The following TANC1 variants were observed in gnomAD, a reference collection of about 807,000 sequenced individuals.
TANC1 encodes the protein tetratricopeptide repeat, ankyrin repeat and coiled-coil containing 1.
In TANC1, 77 loss-of-function variants were observed where a neutral mutation model predicts 149.7. The ratio of observed to expected loss-of-function variants is 0.51; its 90% CI spans 0.43 to 0.62. TANC1 has a LOEUF of 0.62. Ranked by LOEUF, TANC1 falls within the 20% of genes least tolerant of loss-of-function variation. TANC1 has a pLI of 0.00. For missense variants in TANC1, 1,985 were observed against 2,321.8 expected, an observed-to-expected ratio of 0.85 and a Z score of 2.98; for synonymous variants, 854 against 925.0, an observed-to-expected ratio of 0.92 and a Z score of 1.39.
chr2:159,204,525 G>A (rs1251906413), intron 19 of TANC1, among the ~76,000 whole-genome samples: 2 of 152,176 alleles, frequency 1.3e-5, no homozygotes, highest in Admixed American at 1.3e-4. Flanking sequence ...TGGGTGTGCT[G>A]TGTCCTCATG....
chr2:158,969,395 C>T (rs954886348), intron 1 of TANC1, among the ~76,000 whole-genome samples: 3 of 152,354 alleles, frequency 2.0e-5, no homozygotes, highest in Non-Finnish European at 2.9e-5. Flanking sequence ...ATTAGCATAT[C>T]CACACTCCTT....
intron 20 of TANC1, 110 bp from the exon 21 acceptor site, chr2:159,219,128 T>G: frequency 7.0e-7 from 1 of 1,437,496 alleles, no homozygotes; most frequent in Non-Finnish European, 9.7e-7. Flanking sequence ...CTTACAGATT[T>G]TTGAAAGAAA....
At chr2:159,127,462 A>G (rs772175417) in intron 4 of TANC1, among the ~76,000 whole-genome samples, 1 of 152,264 alleles carries the variant, frequency 6.6e-6, no homozygotes, top group Non-Finnish European at 1.5e-5. Flanking sequence ...ATTACGAGGT[A>G]TATACCCAAA....
intron 4 of TANC1, among the ~76,000 whole-genome samples, chr2:159,099,802 C>A (rs552597458): frequency 6.6e-6 from 1 of 151,496 alleles, no homozygotes; most frequent in Non-Finnish European, 1.5e-5. Flanking sequence ...TGCACCGATA[C>A]CTACCCTGTT....
At chr2:159,020,159 C>T (rs2038698158) in intron 2 of TANC1, among the ~76,000 whole-genome samples, 1 of 152,188 alleles carries the variant, frequency 6.6e-6, no homozygotes, top group South Asian at 2.1e-4. Context: ...GTTCTATCGG[C>T]TAGGCTGGAG....
At chr2:159,184,970 C>T (rs1250873705) in intron 14 of TANC1, among the ~76,000 whole-genome samples, 1 of 152,210 alleles carries the variant, frequency 6.6e-6, no homozygotes. Flanking sequence ...TTAAATAATG[C>T]ATGCTTTTAA....
rs143502198 is a variant in TANC1, at chr2:159,121,014, T to C, written c.260-15180T>C. Among the ~76,000 whole-genome samples, 647 of 152,238 alleles carry C rather than the reference T, an allele frequency of 4.2e-3. 1 individual carries two copies. The highest frequency in any genetic ancestry group is 7.8e-3 in the African/African-American group (323 of 41,556). Reference sequence around the variant, plus strand: ...TGATTTTTCCAAATCAAGTAGCAAATACCATAGGTTCCAGGGAGTATGTCT... The same window carrying C: ...TGATTTTTCCAAATCAAGTAGCAAACACCATAGGTTCCAGGGAGTATGTCT... On this transcript the variant is annotated intron_variant, in intron 4 of 26. Transcript: ENST00000263635.
chr2:158,989,485 C>T (rs1250337383), intron 1 of TANC1, among the ~76,000 whole-genome samples: 1 of 151,732 alleles, frequency 6.6e-6, no homozygotes, highest in Non-Finnish European at 1.5e-5. Context: ...TGGCTCATGC[C>T]TATAGTCCCA....
At chr2:159,130,039 C>T (rs62171089) in intron 4 of TANC1, among the ~76,000 whole-genome samples, 3,877 of 152,172 alleles carry the variant, frequency 0.025, 71 homozygotes, top group Non-Finnish European at 0.042. Context: ...ATACCAGTAC[C>T]GGGGGCGGCG....
At chr2:159,100,451 A>C in intron 4 of TANC1, among the ~76,000 whole-genome samples, 1 of 152,298 alleles carries the variant, frequency 6.6e-6, no homozygotes, top group Admixed American at 6.5e-5. Context: ...AATATCCTCA[A>C]GTTTTTCTCC....
intron 7 of TANC1, among the ~76,000 whole-genome samples, chr2:159,159,464 G>C (rs1026482229): frequency 6.6e-6 from 1 of 151,652 alleles, no homozygotes; most frequent in African/African-American, 2.4e-5. Flanking sequence ...AAAACTTTGG[G>C]AAGGTGAAGA....
intron 3 of TANC1, among the ~76,000 whole-genome samples, chr2:159,079,231 A>G (rs1237528323): frequency 6.6e-6 from 1 of 151,592 alleles, no homozygotes; most frequent in Non-Finnish European, 1.5e-5. Flanking sequence ...GGGTCTCACT[A>G]TATTGTCCAG....
At chr2:159,080,288 G>A (rs574958709) in intron 3 of TANC1, among the ~76,000 whole-genome samples, 2 of 151,688 alleles carry the variant, frequency 1.3e-5, no homozygotes, top group African/African-American at 4.8e-5. Context: ...TTCCCTACCA[G>A]TCAGGCTTAC....
rs113372258 is a variant in TANC1, at chr2:159,014,960, C to T, written c.-16+13771C>T. Among the ~76,000 whole-genome samples the T allele has an allele frequency of 2.8e-4, 43 of 152,272 alleles. 1 individual carries two copies. The highest frequency in any genetic ancestry group is 8.5e-4 in the Admixed American group (13 of 15,296). On this transcript the variant is annotated intron_variant, in intron 2 of 26. Transcript: ENST00000263635. ...CATGAGTGTCTGTGGATTTTCCACG[C>T]GCACAGTGCAAGCTGTTAGTGGATC...
chr2:159,004,393 A>G (rs2149341736), intron 2 of TANC1: 7 of 1,119,130 alleles, frequency 6.3e-6, no homozygotes, highest in Non-Finnish European at 8.2e-6. Context: ...AGTTTTACAG[A>G]CACAGAGAAC....
At chr2:159,094,356 A>G (rs1021548146) in intron 3 of TANC1, among the ~76,000 whole-genome samples, 11 of 152,178 alleles carry the variant, frequency 7.2e-5, no homozygotes, top group African/African-American at 2.4e-4. Context: ...GTGCTTTCCA[A>G]GTTCTGATCT....
chr2:159,205,862 A>G (rs1326569738), intron 19 of TANC1, among the ~76,000 whole-genome samples: 1 of 152,256 alleles, frequency 6.6e-6, no homozygotes, highest in Admixed American at 6.5e-5. Context: ...TTGTTGGGGC[A>G]TGTGGAGAAT....
At chr2:158,988,694 A>G (rs904127754) in intron 1 of TANC1, among the ~76,000 whole-genome samples, 5 of 152,242 alleles carry the variant, frequency 3.3e-5, no homozygotes, top group African/African-American at 7.2e-5. Flanking sequence ...CCCCCACTCT[A>G]TGCCAGGCTC....
intron 19 of TANC1, among the ~76,000 whole-genome samples, chr2:159,199,988 C>G (rs1184134532): frequency 6.6e-6 from 1 of 152,202 alleles, no homozygotes; most frequent in East Asian, 1.9e-4. Context: ...AAAGAAGGAG[C>G]TGGGTGTGCT....
Sources: gnomAD v4.1 joint callset for allele counts (sites outside exome capture counted in the v4.1 genomes callset) on GRCh38, gnomAD v4.1.1 for gene constraint, MANE v1.5 for transcripts, NCBI Gene and HGNC (gene_info 2026-07-23, HGNC 2026-07-21) for gene names.